The following CDC42BPA variants were observed in gnomAD, a reference collection of about 807,000 sequenced individuals.
The protein encoded by CDC42BPA is CDC42 binding protein kinase alpha.
Under a neutral mutation model 223.5 loss-of-function variants are expected in CDC42BPA, and 80 were observed. The ratio of observed to expected loss-of-function variants is 0.36; its 90% CI spans 0.30 to 0.43. The LOEUF (loss-of-function observed/expected upper bound fraction) is 0.43. Ranked by LOEUF, CDC42BPA falls within the 20% of genes least tolerant of loss-of-function variation. CDC42BPA has a pLI of 1.00. For missense variants in CDC42BPA, 1,743 were observed against 2,099.9 expected (o/e 0.83, Z 3.32); for synonymous variants, 694 against 718.6 (o/e 0.97, Z 0.55).
chr1:227,045,392 A>T (rs935371607), intron 23 of CDC42BPA, among the ~76,000 whole-genome samples: 2 of 152,208 alleles, frequency 1.3e-5, no homozygotes, highest in African/African-American at 4.8e-5. Context: ...AAAGGTTTAA[A>T]AAGTTCTATC....
At chr1:227,012,640 G>A (rs1321631389) in intron 34 of CDC42BPA, among the ~76,000 whole-genome samples, 3 of 152,086 alleles carry the variant, frequency 2.0e-5, no homozygotes, top group Non-Finnish European at 4.4e-5. Context: ...TGGGACACAT[G>A]CTCTCTGAAT....
chr1:227,287,243 A>G (rs1010193869), intron 1 of CDC42BPA, among the ~76,000 whole-genome samples: 1 of 152,298 alleles, frequency 6.6e-6, no homozygotes, highest in East Asian at 1.9e-4. Context: ...TGTGCGGAAA[A>G]GAGTTACATC....
chr1:227,315,567 C>T (rs1694236143), intron 1 of CDC42BPA, among the ~76,000 whole-genome samples: 1 of 145,306 alleles, frequency 6.9e-6, no homozygotes, highest in East Asian at 2.0e-4. Context: ...GTACCAAAAC[C>T]CTTTAAGTCT....
In CDC42BPA at chr1:227,317,482, T is replaced by C. The variant is rs1042324956; in HGVS notation, c.-300A>G. The C allele has an allele frequency of 2.0e-5, 8 of 391,774 alleles. No individual in the cohort carries two copies. The highest frequency in any genetic ancestry group is 1.5e-4 in the African/African-American group (7 of 46,822). 24.3% of individuals were successfully genotyped at this position (391,774 alleles called of 1,614,324 possible). On this transcript the variant is annotated 5_prime_UTR_variant, in exon 1 of 37. Transcript: ENST00000366766. ...ATTTAAATAAAATAATAATTAAAAG[T>C]ACAACGAACTAGAGAGTCAACACTT...
At chr1:227,059,315 G>C (rs10495266) in intron 21 of CDC42BPA, 191,743 of 1,415,922 alleles carry the variant, frequency 0.14, 14,820 homozygotes, top group African/African-American at 0.25. Flanking sequence ...ACAGGCAAAA[G>C]GATGAGAGAG....
At chr1:227,119,442 C>T (rs1369583369) in intron 12 of CDC42BPA, among the ~76,000 whole-genome samples, 2 of 151,984 alleles carry the variant, frequency 1.3e-5, no homozygotes, top group Admixed American at 6.5e-5. Context: ...ATGTTCATAT[C>T]AGTAAGTTAT....
intron 21 of CDC42BPA, among the ~76,000 whole-genome samples, chr1:227,056,031 T>G (rs1470790367): frequency 1.3e-5 from 2 of 152,188 alleles, no homozygotes; most frequent in Non-Finnish European, 2.9e-5. Flanking sequence ...ATTTTTACAG[T>G]AGTACATTTA....
chr1:227,297,678 C>G (rs1308386005), intron 1 of CDC42BPA, among the ~76,000 whole-genome samples: 2 of 151,670 alleles, frequency 1.3e-5, no homozygotes, highest in Non-Finnish European at 2.9e-5. Flanking sequence ...ATGAAATATG[C>G]CAGACACAAA....
intron 8 of CDC42BPA, 47 bp from the exon 9 acceptor site, chr1:227,143,071 C>A: frequency 2.5e-6 from 3 of 1,211,396 alleles, no homozygotes; most frequent in South Asian, 1.8e-5. Context: ...GCTATATGAT[C>A]TGTAGGCTTG....
chr1:227,137,052 G>A (rs1452939495), intron 10 of CDC42BPA, among the ~76,000 whole-genome samples: 1 of 152,086 alleles, frequency 6.6e-6, no homozygotes, highest in African/African-American at 2.4e-5. Flanking sequence ...GAGTAAAAGT[G>A]TATTAAAAGA....
At chr1:227,072,560 G>A (rs954710446) in intron 19 of CDC42BPA, among the ~76,000 whole-genome samples, 2 of 151,988 alleles carry the variant, frequency 1.3e-5, no homozygotes, top group African/African-American at 2.4e-5. Flanking sequence ...GAGAAGCTGT[G>A]ATGGAAGCTA....
intron 12 of CDC42BPA, among the ~76,000 whole-genome samples, chr1:227,118,640 A>T (rs1406757134): frequency 1.3e-5 from 2 of 152,130 alleles, no homozygotes; most frequent in Non-Finnish European, 2.9e-5. Flanking sequence ...GAAAGAATCC[A>T]AGATCCTTCT....
At chr1:227,158,909 G>A (rs1663325984) in intron 6 of CDC42BPA, among the ~76,000 whole-genome samples, 1 of 152,150 alleles carries the variant, frequency 6.6e-6, no homozygotes, top group Admixed American at 6.5e-5. Flanking sequence ...AGCTGCTGCA[G>A]GTAGTCCAGC....
At chr1:227,122,077 A>G (rs595155) in intron 11 of CDC42BPA, among the ~76,000 whole-genome samples, 126,265 of 152,082 alleles carry the variant, frequency 0.83, 52,465 homozygotes, top group East Asian at 0.88. Flanking sequence ...CTGGGATTAC[A>G]GGCATGAGCC....
At chr1:227,290,658 T>A (rs1422479451) in intron 1 of CDC42BPA, among the ~76,000 whole-genome samples, 1 of 152,220 alleles carries the variant, frequency 6.6e-6, no homozygotes, top group Non-Finnish European at 1.5e-5. Context: ...AGGAGGGATA[T>A]GCCAACAAAG....
chr1:227,019,486 C>T (rs1281475971), intron 32 of CDC42BPA, among the ~76,000 whole-genome samples: 4 of 152,138 alleles, frequency 2.6e-5, no homozygotes, highest in South Asian at 2.1e-4. Flanking sequence ...GAATCACATA[C>T]GTTCTTAATG....
intron 5 of CDC42BPA, among the ~76,000 whole-genome samples, chr1:227,181,232 T>C (rs1458207962): frequency 6.6e-6 from 1 of 152,114 alleles, no homozygotes; most frequent in Non-Finnish European, 1.5e-5. Context: ...AAAAAAGATA[T>C]GACTGCCAAA....
At chr1:227,262,622 A>G (rs898829474) in intron 1 of CDC42BPA, among the ~76,000 whole-genome samples, 1 of 152,234 alleles carries the variant, frequency 6.6e-6, no homozygotes, top group Non-Finnish European at 1.5e-5. Flanking sequence ...AAACCAAATT[A>G]TAGACAATCA....
chr1:227,028,731 C>G lies in CDC42BPA; in HGVS notation c.4358G>C (p.Gly1453Ala). ...KEYLLCFNSI[G>A]IYTDCQGRRS... ...TCGGCCCTGGCAGTCAGTGTATATC[C>G]CAATGCTGTTAAAACACAGCAGATA... is the stretch of plus-strand genomic sequence containing the variant. Residue 1453 changes from glycine (G) to alanine (A), a missense_variant, in exon 30 of 37, where the codon GGG becomes GCG. By Grantham distance (60) the Gly-to-Ala change is moderately conservative. Transcript: ENST00000366766. 6.2e-7 allele frequency: 1 copy of G among 1,613,632 alleles called. No homozygotes were observed. Among genetic ancestry groups the G allele is most frequent in the Non-Finnish European group, 8.5e-7 (1 of 1,179,706 alleles).
Sources: gnomAD v4.1 joint callset for allele counts (sites outside exome capture counted in the v4.1 genomes callset) on GRCh38, gnomAD v4.1.1 for gene constraint, MANE v1.5 for transcripts, NCBI Gene and HGNC (gene_info 2026-07-23, HGNC 2026-07-21) for gene names.